Variants in ANKRD39 observed in about 807,000 individuals in gnomAD.
The protein encoded by ANKRD39 is ankyrin repeat domain-containing protein 39.
Under a neutral mutation model 20.3 loss-of-function variants are expected in ANKRD39, and 18 were observed. The ratio of observed to expected loss-of-function variants is 0.89; its 90% CI spans 0.61 to 1.32. ANKRD39 has a LOEUF of 1.32. Among genes scored for constraint, ANKRD39 ranks in the 40% most tolerant of loss-of-function variants. ANKRD39 has a pLI of 0.00. For missense variants in ANKRD39, 243 were observed against 250.7 expected (o/e 0.97, Z 0.21); for synonymous variants, 106 against 111.9 (o/e 0.95, Z 0.33).
At chr2:96,855,632 A>G (rs1031985226) in intron 1 of ANKRD39, among the ~76,000 whole-genome samples, 4 of 151,946 alleles carry the variant, frequency 2.6e-5, no homozygotes, top group Non-Finnish European at 5.9e-5. Flanking sequence ...CTGAGGCAGA[A>G]GAATCGCGTG....
intron 1 of ANKRD39, among the ~76,000 whole-genome samples, chr2:96,855,405 C>A (rs1268466923): frequency 6.6e-6 from 1 of 152,158 alleles, no homozygotes; most frequent in Non-Finnish European, 1.5e-5. Flanking sequence ...TTGGAATTCA[C>A]CCAAAATGTA....
At chr2:96,857,773 C>G (rs1209509113) in intron 1 of ANKRD39, 115 bp downstream of exon 1, 19 of 1,123,086 alleles carry the variant, frequency 1.7e-5, no homozygotes, top group Non-Finnish European at 2.3e-5. Context: ...GCACCAGGCC[C>G]CAAGCCCCAA....
rs372799678 is a variant in ANKRD39 at position 96,857,960 on chromosome 2, C to G, written c.28G>C (p.Gly10Arg). MATPRPCADGPCCSHPSAVL... is the reference protein window; with the variant it reads MATPRPCADRPCCSHPSAVL... ...GCGCTGGGATGCGAGCAGCAGGGCCCGTCCGCGCAGGGCCGAGGCGTCGCC... is the reference window on the plus strand; with the variant it reads ...GCGCTGGGATGCGAGCAGCAGGGCCGGTCCGCGCAGGGCCGAGGCGTCGCC... Residue 10 changes from glycine (G) to arginine (R), a missense_variant, in exon 1 of 4, where the codon GGG becomes CGG. Gly to Arg is a moderately radical substitution (Grantham distance 125). Transcript: ENST00000393537. The G allele has an allele frequency of 1.3e-4, 209 of 1,566,524 alleles. No homozygotes were observed. Among genetic ancestry groups the G allele is most frequent in the Non-Finnish European group, 1.7e-4 (197 of 1,163,652 alleles).
At chr2:96,857,249 G>T (rs569404064) in intron 1 of ANKRD39, among the ~76,000 whole-genome samples, 5 of 152,272 alleles carry the variant, frequency 3.3e-5, no homozygotes, top group Non-Finnish European at 7.3e-5. Flanking sequence ...GGCTGCATCC[G>T]CAAGGGCAGA....
Position 96,857,889 on chromosome 2 carries a change from C to A in ANKRD39, c.99G>T (p.Arg33Ser). 1.3e-6 allele frequency: 2 copies of A among 1,577,864 alleles called. No individual in the cohort carries two copies. Among genetic ancestry groups the A allele is most frequent in the Non-Finnish European group, 1.7e-6 (2 of 1,168,434 alleles). Residue 33 changes from arginine to serine, a missense_variant and splice_region_variant, in exon 1 of 4, where the codon AGG (arginine) becomes AGT (serine). Arg to Ser is a moderately radical substitution (Grantham distance 110). Coordinates refer to ENST00000393537, the MANE Select transcript of ANKRD39 (RefSeq NM_016466.6). Reference sequence around the variant, plus strand: ...ACGAGGGCCGCGCGGCAGCCTCACCCCTCTCGAAGTCCATCTCCTCCAGCG... The same window carrying A: ...ACGAGGGCCGCGCGGCAGCCTCACCACTCTCGAAGTCCATCTCCTCCAGCG... ...QQTLEEMDFERGIWSAALNGD... is the reference protein window; with the variant it reads ...QQTLEEMDFESGIWSAALNGD...
intron 3 of ANKRD39, among the ~76,000 whole-genome samples, chr2:96,851,392 G>A (rs62152861): frequency 0.02 from 3,083 of 152,246 alleles, 60 homozygotes; most frequent in South Asian, 0.03. Context: ...CCGACCTCAC[G>A]TGATCTGCCC....
rs778489262 is a variant in ANKRD39, at chr2:96,848,369, G to A, written c.484C>T (p.Arg162Ter). 12 of 1,614,056 alleles carry A rather than the reference G, an allele frequency of 7.4e-6. No homozygotes were observed. In the African/African-American group the frequency reaches 8.0e-5, roughly 11 times the overall value. ...HSPALKAIRD[R>*]KARLACDLLP... ...AGGTCACATGCTAGCCGTGCCTTTC[G>A]GTCCCGGATGGCCTTCAGGGCTGGG... The change falls in exon 4 of 4, where the codon CGA becomes TGA. Residue 162 changes from arginine to a stop codon, truncating the protein, a stop_gained. Coordinates refer to ENST00000393537, the MANE Select transcript of ANKRD39 (RefSeq NM_016466.6). LOFTEE classifies it high-confidence loss of function.
chr2:96,849,726 A>C (rs2079827360), intron 3 of ANKRD39, among the ~76,000 whole-genome samples: 1 of 152,186 alleles, frequency 6.6e-6, no homozygotes, highest in Admixed American at 6.5e-5. Flanking sequence ...CCTGAACTCA[A>C]GCTATCCTCC....
At position 96,856,407 on chromosome 2, in the gene ANKRD39, T is replaced by G. The variant is rs369786827; in HGVS notation, c.100+1481A>C. Among the ~76,000 whole-genome samples, 23 of 144,898 alleles carry G rather than the reference T, an allele frequency of 1.6e-4. 2 individuals are homozygous for G. Among genetic ancestry groups the G allele is most frequent in the Admixed American group, 5.8e-4 (8 of 13,708 alleles). Reference sequence around the variant, plus strand: ...TCGCTTGAACCCAGGAGGCGGAGGCTGCAGTGAGCCGAGATTGCGCTACTG... The same window carrying G: ...TCGCTTGAACCCAGGAGGCGGAGGCGGCAGTGAGCCGAGATTGCGCTACTG... On this transcript the variant is annotated intron_variant, in intron 1 of 3. Transcript: ENST00000393537.
At chr2:96,855,307 T>C (rs1361612376) in intron 1 of ANKRD39, among the ~76,000 whole-genome samples, 1 of 152,084 alleles carries the variant, frequency 6.6e-6, no homozygotes, top group Admixed American at 6.5e-5. Flanking sequence ...GGAAAGTTGA[T>C]AAATTAAAAA....
chr2:96,855,953 G>A (rs539483569), intron 1 of ANKRD39, among the ~76,000 whole-genome samples: 109 of 151,402 alleles, frequency 7.2e-4, no homozygotes, highest in Non-Finnish European at 1.2e-3. Flanking sequence ...AAAGCCTGGG[G>A]ACAGAGCCAG....
chr2:96,853,675 G>A, intron 2 of ANKRD39, 71 bp from the exon 3 acceptor site: 1 of 1,459,500 alleles, frequency 6.9e-7, no homozygotes, highest in Non-Finnish European at 9.4e-7. Flanking sequence ...AGAGGTGAGA[G>A]CATGGCCTCC....
At position 96,848,295 on chromosome 2, in the gene ANKRD39, G is replaced by C; in HGVS notation, c.*6C>G. ...CTTTAAAGGCAGCTGGAGATAGGGTGGCGGCTCAGCTGGATAGCAGGTCCC... is the reference window on the plus strand; with the variant it reads ...CTTTAAAGGCAGCTGGAGATAGGGTCGCGGCTCAGCTGGATAGCAGGTCCC... On this transcript the variant is annotated 3_prime_UTR_variant, in exon 4 of 4. Coordinates refer to ENST00000393537, the MANE Select transcript of ANKRD39 (RefSeq NM_016466.6). 6.2e-7 allele frequency: 1 copy of C among 1,613,890 alleles called. No homozygotes were observed. Among genetic ancestry groups the C allele is most frequent in the Non-Finnish European group, 8.5e-7 (1 of 1,179,936 alleles).
At position 96,853,622 on chromosome 2, in the gene ANKRD39, C is replaced by A. The variant is rs372762301; in HGVS notation, c.205-18G>T. On this transcript the variant is annotated intron_variant, in intron 2 of 3. Transcript: ENST00000393537. ...GCATAGTGCTGCAGGGAACAGAGAC[C>A]GAGGTCAGATGGGAGAAGCCAGGCA... 1.2e-6 allele frequency: 2 copies of A among 1,609,614 alleles called. No individual in the cohort carries two copies. Among genetic ancestry groups the A allele is most frequent in the South Asian group, 1.1e-5 (1 of 90,626 alleles).
In ANKRD39 at chr2:96,855,599, T is replaced by G. The variant is rs141148734; in HGVS notation, c.101-1158A>C. Among the ~76,000 whole-genome samples the G allele has an allele frequency of 3.1e-3, 475 of 151,832 alleles. 2 individuals are homozygous for G. Among genetic ancestry groups the G allele is most frequent in the African/African-American group, 0.011 (450 of 41,362 alleles). On this transcript the variant is annotated intron_variant, in intron 1 of 3. Transcript: ENST00000393537. The stretch of plus-strand genomic sequence containing the variant: ...TTAGCTGGGCTTGGTGGCACGCGCC[T>G]GTAGTCCCAGCTACTCAGGGGGCTG...
intron 1 of ANKRD39, 127 bp downstream of exon 1, chr2:96,857,761 C>T: frequency 9.8e-7 from 1 of 1,015,512 alleles, no homozygotes; most frequent in Non-Finnish European, 1.4e-6. Flanking sequence ...GCCCGCCTTC[C>T]CGCACCAGGC....
chr2:96,850,521 C>T (rs1317184713), intron 3 of ANKRD39, among the ~76,000 whole-genome samples: 1 of 151,870 alleles, frequency 6.6e-6, no homozygotes. Flanking sequence ...AAAAATTAGC[C>T]AGGCGTGGTG....
intron 3 of ANKRD39, among the ~76,000 whole-genome samples, chr2:96,851,638 G>C (rs2079837476): frequency 6.6e-6 from 1 of 152,156 alleles, no homozygotes; most frequent in Non-Finnish European, 1.5e-5. Context: ...TCTCTACTGA[G>C]ATACGCAGAC....
At chr2:96,850,329 T>G (rs565229273) in intron 3 of ANKRD39, among the ~76,000 whole-genome samples, 1 of 152,286 alleles carries the variant, frequency 6.6e-6, no homozygotes, top group East Asian at 1.9e-4. Flanking sequence ...CAAATAATTT[T>G]TACAAAAAAT....
Sources: allele counts gnomAD v4.1 joint callset (sites outside exome capture counted in the v4.1 genomes callset), GRCh38; gene constraint gnomAD v4.1.1; transcripts MANE v1.5; gene names NCBI Gene and HGNC (gene_info 2026-07-23, HGNC 2026-07-21).